CYB5B: variants seen among roughly 807,000 people sequenced by gnomAD.
CYB5B encodes the protein cytochrome b5 type B, also known as cytochrome b5 type B (outer mitochondrial membrane).
A neutral mutation model predicts 21.3 loss-of-function variants in CYB5B; 14 were observed. That is an observed-to-expected ratio of 0.66 (90% CI 0.43 to 1.03). CYB5B has a LOEUF of 1.03. Ranked by LOEUF, CYB5B falls within the 50% of genes least tolerant of loss-of-function variation. The pLI is 0.00. For missense variants in CYB5B, 166 were observed against 185.1 expected, an observed-to-expected ratio of 0.90 and a Z score of 0.60; for synonymous variants, 69 against 68.4, an observed-to-expected ratio of 1.01 and a Z score of -0.04.
chr16:69,426,178 T>C (rs1179315866), intron 1 of CYB5B, among the ~76,000 whole-genome samples: 3 of 151,762 alleles, frequency 2.0e-5, no homozygotes, highest in African/African-American at 7.3e-5. Flanking sequence ...GACGGGCGGA[T>C]CACGACGTCA....
chr16:69,429,351 C>T (rs2014680954), intron 1 of CYB5B, among the ~76,000 whole-genome samples: 2 of 152,110 alleles, frequency 1.3e-5, no homozygotes, highest in Non-Finnish European at 2.9e-5. Context: ...TTGTCCCCGC[C>T]CACATCCTGC....
At chr16:69,426,316 G>A (rs1225209872) in intron 1 of CYB5B, among the ~76,000 whole-genome samples, 1 of 148,220 alleles carries the variant, frequency 6.7e-6, no homozygotes, top group African/African-American at 2.5e-5. Context: ...GGAGAATGGC[G>A]TGAACCCGGG....
At chr16:69,451,453 C>T (rs565117846) in intron 3 of CYB5B, among the ~76,000 whole-genome samples, 3 of 152,192 alleles carry the variant, frequency 2.0e-5, no homozygotes, top group African/African-American at 4.8e-5. Context: ...GCATACAAAT[C>T]GTAACCTGAC....
chr16:69,463,575 T>C lies in CYB5B; in HGVS notation c.*1055T>C, dbSNP rs1420767189. 6.6e-6 allele frequency: 1 copy of C among 152,180 alleles called. No individual in the cohort carries two copies. The highest frequency in any genetic ancestry group is 1.5e-5 in the Non-Finnish European group (1 of 68,034). The allele number at this position is 152,180 out of a possible 1,614,324, so 9.4% of individuals were successfully genotyped here. A position where few individuals can be genotyped will look rare whatever the true frequency, so the allele number is the denominator to read the frequency against. Reference sequence around the variant, plus strand: ...GCTTTACCAAGGAGTTTCCCTCCTTTTTTGTTTGTTGATTAGCAAATTTTT... The same window carrying C: ...GCTTTACCAAGGAGTTTCCCTCCTTCTTTGTTTGTTGATTAGCAAATTTTT... On this transcript the variant is annotated 3_prime_UTR_variant, in exon 5 of 5. Coordinates refer to ENST00000307892, the MANE Select transcript of CYB5B (RefSeq NM_030579.3).
intron 4 of CYB5B, among the ~76,000 whole-genome samples, chr16:69,461,575 G>A (rs1219389190): frequency 6.6e-6 from 1 of 152,102 alleles, no homozygotes. Context: ...AGGGGCAGCC[G>A]GGTCATTTGG....
chr16:69,425,707 C>T (rs1481551375), intron 1 of CYB5B, among the ~76,000 whole-genome samples: 1 of 152,124 alleles, frequency 6.6e-6, no homozygotes, highest in Non-Finnish European at 1.5e-5. Context: ...AAAAAGCTTC[C>T]TTTCCCTTTG....
intron 1 of CYB5B, among the ~76,000 whole-genome samples, chr16:69,438,441 CTA>C (rs1267896509): frequency 1.3e-5 from 2 of 152,046 alleles, no homozygotes; most frequent in African/African-American, 4.8e-5. Context: ...TATGGAAATT[CTA>C]TGTTTGGCTT....
chr16:69,440,488 A>G (rs1055494599), intron 1 of CYB5B, among the ~76,000 whole-genome samples: 3 of 152,206 alleles, frequency 2.0e-5, no homozygotes, highest in African/African-American at 7.2e-5. Flanking sequence ...CCATAACAGC[A>G]TAGATTCATT....
intron 1 of CYB5B, among the ~76,000 whole-genome samples, chr16:69,425,874 T>C (rs2014639893): frequency 6.6e-6 from 1 of 152,232 alleles, no homozygotes; most frequent in African/African-American, 2.4e-5. Flanking sequence ...TTGTGAAAGT[T>C]CACTTCTATT....
chr16:69,461,771 T>A (rs933685882), intron 4 of CYB5B, among the ~76,000 whole-genome samples: 1 of 152,230 alleles, frequency 6.6e-6, no homozygotes, highest in African/African-American at 2.4e-5. Context: ...TCCTTATTAG[T>A]GTCCAAACTT....
intron 1 of CYB5B, among the ~76,000 whole-genome samples, chr16:69,440,745 C>CGTGTGT (rs56008000): frequency 1.2e-3 from 172 of 146,412 alleles, no homozygotes; most frequent in South Asian, 3.3e-3. Context: ...GTGTGTGTTG[C>CGTGTGT]GTGTGTGTGT....
In CYB5B at chr16:69,462,651, G is replaced by C. The variant is rs373628023; in HGVS notation, c.*131G>C. ...CTTCCCCCTTGGAGCCAAGACGATT[G>C]GCCAGACATCACCTCAGATCTGAGA... On this transcript the variant is annotated 3_prime_UTR_variant, in exon 5 of 5. Transcript: ENST00000307892. 9.9e-5 allele frequency: 72 copies of C among 723,668 alleles called. 1 individual carries two copies. The highest frequency in any genetic ancestry group is 8.7e-4 in the East Asian group (32 of 36,824). The allele number at this position is 723,668 out of a possible 1,614,324, so 44.8% of individuals were successfully genotyped here. A position where few individuals can be genotyped will look rare whatever the true frequency, so the allele number is the denominator to read the frequency against.
At chr16:69,440,417 G>A (rs1160229339) in intron 1 of CYB5B, among the ~76,000 whole-genome samples, 2 of 152,106 alleles carry the variant, frequency 1.3e-5, no homozygotes, top group African/African-American at 4.8e-5. Context: ...TGTAGTAAGT[G>A]AACACACTTG....
At chr16:69,448,211 C>T (rs2014896931) in intron 3 of CYB5B, 67 bp downstream of exon 3, 2 of 1,541,468 alleles carry the variant, frequency 1.3e-6, no homozygotes, top group African/African-American at 2.8e-5. Context: ...CTTTTTGAAA[C>T]ATTTTTTCTT....
intron 1 of CYB5B, among the ~76,000 whole-genome samples, chr16:69,442,203 A>C (rs1472495754): frequency 6.6e-6 from 1 of 152,200 alleles, no homozygotes; most frequent in Non-Finnish European, 1.5e-5. Flanking sequence ...AGTTATAATT[A>C]ATAATGCTTT....
At chr16:69,450,855 C>T (rs1216282823) in intron 3 of CYB5B, among the ~76,000 whole-genome samples, 1 of 152,130 alleles carries the variant, frequency 6.6e-6, no homozygotes, top group African/African-American at 2.4e-5. Context: ...CCTTCTTCTA[C>T]TCCCTGTCTG....
At chr16:69,432,633 T>C (rs944344633) in intron 1 of CYB5B, among the ~76,000 whole-genome samples, 1 of 152,240 alleles carries the variant, frequency 6.6e-6, no homozygotes, top group African/African-American at 2.4e-5. Context: ...TAGTATTTAT[T>C]GAGTGCTTAT....
intron 1 of CYB5B, among the ~76,000 whole-genome samples, chr16:69,432,102 G>A (rs2014711622): frequency 6.6e-6 from 1 of 152,164 alleles, no homozygotes; most frequent in Admixed American, 6.5e-5. Context: ...GTGAATGAAG[G>A]ACAAGAATGG....
At chr16:69,431,652 G>A (rs758973037) in intron 1 of CYB5B, among the ~76,000 whole-genome samples, 1 of 152,074 alleles carries the variant, frequency 6.6e-6, no homozygotes, top group Non-Finnish European at 1.5e-5. Context: ...TGAGCCTGTA[G>A]TCCCAGCTCC....
Sources: gnomAD v4.1 joint callset for allele counts (sites outside exome capture counted in the v4.1 genomes callset) on GRCh38, gnomAD v4.1.1 for gene constraint, MANE v1.5 for transcripts, NCBI Gene and HGNC (gene_info 2026-07-23, HGNC 2026-07-21) for gene names.